The following RBM26 variants were observed in gnomAD, a reference collection of about 807,000 sequenced individuals.
The protein encoded by RBM26 is RNA binding motif protein 26.
RBM26 carries 30 observed loss-of-function variants against 123.6 expected under a neutral mutation model. The ratio of observed to expected loss-of-function variants is 0.24; its 90% CI spans 0.18 to 0.33. The LOEUF (loss-of-function observed/expected upper bound fraction) is 0.33. Ranked by LOEUF, RBM26 falls within the 10% of genes least tolerant of loss-of-function variation. RBM26 has a pLI of 1.00. For synonymous variants in RBM26, 400 were observed against 404.4 expected (o/e 0.99, Z 0.13); for missense variants, 947 against 1,203.6 (o/e 0.79, Z 3.15).
chr13:79,331,464 C>CAAAA (rs11452714), intron 20 of RBM26, among the ~76,000 whole-genome samples: 4 of 128,710 alleles, frequency 3.1e-5, no homozygotes, highest in Non-Finnish European at 4.8e-5. Context: ...ACTAAAAATA[C>CAAAA]AAAAAAAAAA....
intron 1 of RBM26, among the ~76,000 whole-genome samples, chr13:79,392,071 A>T (rs1249416005): frequency 7.2e-6 from 1 of 138,896 alleles, no homozygotes; most frequent in African/African-American, 2.7e-5. Context: ...TATGTATTAT[A>T]CAATAATACA....
chr13:79,384,250 T>G (rs1260906960), intron 1 of RBM26, among the ~76,000 whole-genome samples: 1 of 151,982 alleles, frequency 6.6e-6, no homozygotes, highest in Non-Finnish European at 1.5e-5. Flanking sequence ...TAAAGTTTTT[T>G]TTTTTTTTTT....
intron 14 of RBM26, among the ~76,000 whole-genome samples, chr13:79,352,749 G>A (rs959909152): frequency 6.6e-6 from 1 of 152,102 alleles, no homozygotes; most frequent in African/African-American, 2.4e-5. Context: ...AAAAGATTCA[G>A]AAAAATTAAG....
Position 79,405,694 on chromosome 13 carries a change from G to A in RBM26, c.71+10C>T, listed in dbSNP as rs748311548. The A allele has an allele frequency of 3.2e-6, 5 of 1,575,994 alleles. No homozygotes were observed. Among genetic ancestry groups the A allele is most frequent in the Admixed American group, 3.5e-5 (2 of 57,562 alleles). The stretch of plus-strand genomic sequence containing the variant: ...CCATCCCTGCAAAGAGATATCCCCC[G>A]GATACTCACATGGGCTCGAGAGTCT... On this transcript the variant is annotated intron_variant, in intron 1 of 21. Transcript: ENST00000438737.
intron 5 of RBM26, among the ~76,000 whole-genome samples, chr13:79,369,470 C>T (rs2075661263): frequency 6.6e-6 from 1 of 151,976 alleles, no homozygotes; most frequent in Admixed American, 6.6e-5. Context: ...ACATATGGTC[C>T]TCAGGAAACA....
In RBM26 at chr13:79,368,710, C is replaced by T; in HGVS notation, c.895+20G>A. The T allele has an allele frequency of 1.2e-6, 2 of 1,601,448 alleles. No homozygotes were observed. Among genetic ancestry groups the T allele is most frequent in the Non-Finnish European group, 1.7e-6 (2 of 1,171,482 alleles). On this transcript the variant is annotated intron_variant, in intron 6 of 21. Coordinates refer to ENST00000438737, the MANE Select transcript of RBM26 (RefSeq NM_001366735.2). ...TGGAAATATTAATTAAATACTTTAT[C>T]AAACAGCTGAAAGACTTACCATCAT...
In RBM26 at chr13:79,366,718, T is replaced by C. The variant is rs1594375206; in HGVS notation, c.1050A>G (p.Pro350=). 4 of 1,574,608 alleles carry C rather than the reference T, an allele frequency of 2.5e-6. No homozygotes were observed. In the East Asian group the frequency reaches 9.4e-5, roughly 37 times the overall value. Reference sequence around the variant, plus strand: ...TCACAGGTGGGGGTGTAAGAATTGGTGGAGGTGGGGGGAGTCCAGGAGGAG... The same window carrying C: ...TCACAGGTGGGGGTGTAAGAATTGGCGGAGGTGGGGGGAGTCCAGGAGGAG... The part of the protein sequence containing the change: ...GPPPPGLPPP[P]PILTPPPVNL... The change falls in exon 7 of 22, where the codon CCA becomes CCG. Residue 350 remains proline, a synonymous_variant. Coordinates refer to ENST00000438737, the MANE Select transcript of RBM26 (RefSeq NM_001366735.2).
chr13:79,334,297 T>G, intron 20 of RBM26, 47 bp downstream of exon 20: 1 of 1,083,500 alleles, frequency 9.2e-7, no homozygotes, highest in Non-Finnish European at 1.3e-6. Context: ...AAAGTAATAC[T>G]TATAAATCAT....
At chr13:79,360,212 C>T (rs1426723026) in intron 9 of RBM26, among the ~76,000 whole-genome samples, 1 of 151,960 alleles carries the variant, frequency 6.6e-6, no homozygotes, top group Non-Finnish European at 1.5e-5. Flanking sequence ...ACAGGTGTGA[C>T]TGTATAGGAA....
intron 20 of RBM26, among the ~76,000 whole-genome samples, chr13:79,328,683 TAAAAAAAAAA>T (rs747906560): frequency 2.2e-3 from 84 of 38,484 alleles, no homozygotes; most frequent in Admixed American, 1.0e-2. Context: ...CTGCATTAAG[TAAAAAAAAAA>T]AAAAAAAAAA....
chr13:79,336,394 A>T (rs1157454970), intron 19 of RBM26, among the ~76,000 whole-genome samples: 1 of 152,194 alleles, frequency 6.6e-6, no homozygotes, highest in Non-Finnish European at 1.5e-5. Flanking sequence ...TTTCCTTCAT[A>T]TCTCCAGAGC....
intron 3 of RBM26, among the ~76,000 whole-genome samples, chr13:79,374,535 G>C (rs867714339): frequency 6.6e-6 from 1 of 152,028 alleles, no homozygotes; most frequent in African/African-American, 2.4e-5. Context: ...AAATCAAATG[G>C]AAATCCTATT....
At chr13:79,394,535 C>G (rs541114587) in intron 1 of RBM26, among the ~76,000 whole-genome samples, 6 of 152,208 alleles carry the variant, frequency 3.9e-5, no homozygotes, top group Non-Finnish European at 5.9e-5. Context: ...TCTGTAGCAT[C>G]CATTTCTCTA....
At chr13:79,375,350 T>C (rs2076589913) in intron 3 of RBM26, among the ~76,000 whole-genome samples, 1 of 151,476 alleles carries the variant, frequency 6.6e-6, no homozygotes, top group South Asian at 2.1e-4. Flanking sequence ...TTTTTGTTTT[T>C]AGTAGCGACA....
At chr13:79,354,658 G>A (rs2073752180) in intron 12 of RBM26, 88 bp from the exon 13 acceptor site, 1 of 1,228,668 alleles carries the variant, frequency 8.1e-7, no homozygotes, top group Admixed American at 3.0e-5. Flanking sequence ...CATTGCCCAT[G>A]CAGAGAAAGT....
rs1269548084 is a variant in RBM26, at chr13:79,319,507, A to T, written c.*1114T>A. The T allele has an allele frequency of 5.2e-5, 51 of 984,140 alleles. No individual in the cohort carries two copies. Among genetic ancestry groups the T allele is most frequent in the Non-Finnish European group, 6.0e-5 (50 of 829,068 alleles). The allele number at this position is 984,140 out of a possible 1,614,324, so 61.0% of individuals were successfully genotyped here. A position where few individuals can be genotyped will look rare whatever the true frequency, so the allele number is the denominator to read the frequency against. On this transcript the variant is annotated 3_prime_UTR_variant, in exon 22 of 22. Transcript: ENST00000438737. ...TTTTATACAAGTATAGGAAGTACAC[A>T]CTTAAAATATCAGACTGGAACACTT...
chr13:79,405,688 T>G lies in RBM26; in HGVS notation c.71+16A>C. On this transcript the variant is annotated intron_variant, in intron 1 of 21. Coordinates refer to ENST00000438737, the MANE Select transcript of RBM26 (RefSeq NM_001366735.2). ...CCACTGCCATCCCTGCAAAGAGATA[T>G]CCCCCGGATACTCACATGGGCTCGA... 3 of 1,564,392 alleles carry G rather than the reference T, an allele frequency of 1.9e-6. No homozygotes were observed. Among genetic ancestry groups the G allele is most frequent in the Non-Finnish European group, 2.6e-6 (3 of 1,146,252 alleles).
intron 1 of RBM26, among the ~76,000 whole-genome samples, chr13:79,402,473 C>A (rs1479224642): frequency 2.7e-5 from 4 of 149,376 alleles, no homozygotes; most frequent in Non-Finnish European, 4.4e-5. Context: ...TGAAAACCCT[C>A]TTGCCCTAAA....
chr13:79,353,885 A>AG (rs1052605390), intron 13 of RBM26, among the ~76,000 whole-genome samples: 1 of 152,204 alleles, frequency 6.6e-6, no homozygotes, highest in Non-Finnish European at 1.5e-5. Flanking sequence ...CAAGTGTTGA[A>AG]GGAAGTGGGA....
Sources: allele counts gnomAD v4.1 joint callset (sites outside exome capture counted in the v4.1 genomes callset), GRCh38; gene constraint gnomAD v4.1.1; transcripts MANE v1.5; gene names NCBI Gene and HGNC (gene_info 2026-07-23, HGNC 2026-07-21).